The following WWOX variants were observed in gnomAD, a reference collection of about 807,000 sequenced individuals.
WWOX encodes WW domain containing oxidoreductase, also known as WW domain-containing oxidoreductase.
A neutral mutation model predicts 46.2 loss-of-function variants in WWOX; 69 were observed. That is an observed-to-expected ratio of 1.49 (90% CI 1.23 to 1.82). WWOX has a LOEUF of 1.82. Among genes scored for constraint, WWOX ranks in the 40% most tolerant of loss-of-function variants. The pLI, the probability that WWOX is intolerant of heterozygous loss-of-function variation, is 0.00. For missense variants in WWOX, 919 were observed against 542.6 expected (o/e 1.69, Z -6.89); for synonymous variants, 359 against 202.6 (o/e 1.77, Z -6.56).
chr16:78,346,058 C>T (rs2081089589), intron 5 of WWOX, among the ~76,000 whole-genome samples: 1 of 121,118 alleles, frequency 8.3e-6, no homozygotes, highest in Admixed American at 8.0e-5. Context: ...TCCAGGAAAA[C>T]CCTGGTCTGT....
intron 5 of WWOX, among the ~76,000 whole-genome samples, chr16:78,374,843 C>T (rs561812632): frequency 3.9e-5 from 6 of 152,034 alleles, no homozygotes; most frequent in Admixed American, 1.3e-4. Flanking sequence ...AGTCTCCGCA[C>T]CCGGCCCTGT....
intron 8 of WWOX, among the ~76,000 whole-genome samples, chr16:78,505,094 A>G (rs1304314794): frequency 1.3e-5 from 2 of 152,140 alleles, no homozygotes; most frequent in African/African-American, 2.4e-5. Flanking sequence ...CCGCCGAAGC[A>G]CAATAGGGTT....
intron 8 of WWOX, among the ~76,000 whole-genome samples, chr16:78,535,802 G>A (rs950162718): frequency 6.6e-6 from 1 of 152,192 alleles, no homozygotes; most frequent in African/African-American, 2.4e-5. Context: ...GAGAGAACCA[G>A]ACACAAGTTG....
At chr16:78,406,310 ATATATATATATAT>A (rs2082535668) in intron 6 of WWOX, among the ~76,000 whole-genome samples, 12 of 33,452 alleles carry the variant, frequency 3.6e-4, no homozygotes, top group South Asian at 2.2e-3. Flanking sequence ...ATAAATATAT[ATATATATATATAT>A]ATATATATAT....
chr16:79,170,564 C>T (rs16949755), intron 8 of WWOX, among the ~76,000 whole-genome samples: 3 of 151,994 alleles, frequency 2.0e-5, no homozygotes, highest in Non-Finnish European at 2.9e-5. Flanking sequence ...AATTACTTCT[C>T]TAGGAGCAAA....
intron 5 of WWOX, among the ~76,000 whole-genome samples, chr16:78,377,733 C>T (rs560446894): frequency 4.0e-4 from 61 of 152,154 alleles, no homozygotes; most frequent in African/African-American, 1.4e-3. Context: ...ATTTTTTATC[C>T]GGATTGCAAA....
chr16:78,384,149 A>T (rs555031965), intron 5 of WWOX, among the ~76,000 whole-genome samples: 1 of 152,250 alleles, frequency 6.6e-6, no homozygotes, highest in East Asian at 1.9e-4. Context: ...TAGCCTGCAT[A>T]TCCCTTGGGG....
intron 5 of WWOX, among the ~76,000 whole-genome samples, chr16:78,276,308 C>G (rs1168525506): frequency 6.6e-6 from 1 of 152,160 alleles, no homozygotes; most frequent in African/African-American, 2.4e-5. Flanking sequence ...GGGTGAGAAT[C>G]AGAGTTTATG....
intron 8 of WWOX, among the ~76,000 whole-genome samples, chr16:79,047,672 A>ATTTTT (rs71140858): frequency 3.7e-4 from 20 of 53,542 alleles, no homozygotes; most frequent in East Asian, 5.1e-4. Context: ...GACTGTCCTG[A>ATTTTT]TTTTTTTTTT....
rs189702535 is a variant in WWOX, at chr16:79,124,024, T to G, written c.1057-87584T>G. On this transcript the variant is annotated intron_variant, in intron 8 of 8. Coordinates refer to ENST00000566780, the MANE Select transcript of WWOX (RefSeq NM_016373.4). ...AATAAACTCTGCCTTCTCGAGCCCC[T>G]GATTGTCTTATTAAATAATTTCTTT... Among the ~76,000 whole-genome samples, 298 of 152,294 alleles carry G rather than the reference T, an allele frequency of 2.0e-3. 1 individual carries two copies. Among genetic ancestry groups the G allele is most frequent in the Non-Finnish European group, 3.0e-3 (207 of 68,026 alleles).
At chr16:78,300,328 A>G (rs1316380018) in intron 5 of WWOX, among the ~76,000 whole-genome samples, 2 of 152,162 alleles carry the variant, frequency 1.3e-5, no homozygotes, top group South Asian at 2.1e-4. Context: ...AACCCAGAAG[A>G]GTGACCCTCG....
At chr16:78,488,796 G>T (rs28374039) in intron 8 of WWOX, among the ~76,000 whole-genome samples, 2,220 of 152,262 alleles carry the variant, frequency 0.015, 54 homozygotes, top group African/African-American at 0.05. Context: ...TGTTGAATAG[G>T]TCTAATGATA....
intron 8 of WWOX, among the ~76,000 whole-genome samples, chr16:79,149,913 C>T (rs546828917): frequency 6.6e-6 from 1 of 152,300 alleles, no homozygotes; most frequent in South Asian, 2.1e-4. Context: ...ATCCATCAAC[C>T]CACCCATCCA....
At chr16:79,103,297 A>T (rs1265967185) in intron 8 of WWOX, among the ~76,000 whole-genome samples, 1 of 152,210 alleles carries the variant, frequency 6.6e-6, no homozygotes, top group Non-Finnish European at 1.5e-5. Context: ...TTTCTGTATG[A>T]AGTGACTGTT....
chr16:78,532,034 G>A (rs1404943589), intron 8 of WWOX, among the ~76,000 whole-genome samples: 1 of 151,180 alleles, frequency 6.6e-6, no homozygotes, highest in African/African-American at 2.4e-5. Flanking sequence ...GGATCTGTAG[G>A]TCAGAAGTGG....
intron 8 of WWOX, among the ~76,000 whole-genome samples, chr16:79,189,489 C>T (rs1396277446): frequency 7.0e-6 from 1 of 142,348 alleles, no homozygotes; most frequent in African/African-American, 2.6e-5. Context: ...TTTGTAGAGA[C>T]AGGGTCTCAC....
intron 8 of WWOX, among the ~76,000 whole-genome samples, chr16:79,118,229 T>C (rs2150670425): frequency 6.6e-6 from 1 of 152,248 alleles, no homozygotes; most frequent in East Asian, 1.9e-4. Flanking sequence ...GTGTCTCAGG[T>C]AATAGGGAGG....
At chr16:78,949,572 G>GT (rs772128479) in intron 8 of WWOX, among the ~76,000 whole-genome samples, 3 of 152,200 alleles carry the variant, frequency 2.0e-5, no homozygotes, top group South Asian at 2.1e-4. Flanking sequence ...ACATAATGCT[G>GT]TATGTCATGC....
intron 8 of WWOX, among the ~76,000 whole-genome samples, chr16:78,911,127 T>A (rs1348598917): frequency 6.6e-6 from 1 of 151,600 alleles, no homozygotes; most frequent in Admixed American, 6.6e-5. Context: ...CAGACAGGAG[T>A]CTGCTTGTCT....
Sources: gnomAD v4.1 joint callset for allele counts (sites outside exome capture counted in the v4.1 genomes callset) on GRCh38, gnomAD v4.1.1 for gene constraint, MANE v1.5 for transcripts, NCBI Gene and HGNC (gene_info 2026-07-23, HGNC 2026-07-21) for gene names.